The following KCNK10 variants were observed in gnomAD, a reference collection of about 807,000 sequenced individuals.
The protein encoded by KCNK10 is potassium channel subfamily K member 10.
A neutral mutation model predicts 47.7 loss-of-function variants in KCNK10; 25 were observed. The observed-to-expected ratio is 0.52, with a 90% CI of 0.38 to 0.73. The LOEUF (loss-of-function observed/expected upper bound fraction) is 0.73, where lower values mean the gene tolerates loss of function less well. Among genes scored for constraint, KCNK10 ranks in the 30% least tolerant of loss-of-function variants. The pLI is 0.00. For missense variants in KCNK10, 563 were observed against 714.5 expected, an observed-to-expected ratio of 0.79 and a Z score of 2.42; for synonymous variants, 303 against 285.6, an observed-to-expected ratio of 1.06 and a Z score of -0.61.
At position 88,270,730 on chromosome 14, in the gene KCNK10, T is replaced by C. The variant is rs756197292; in HGVS notation, c.53-7179A>G. ...GTCCCCTTAGTCCAGAACCCCATCT[T>C]CTCTCACCTGAATCACTGCGACAGC... On this transcript the variant is annotated intron_variant, in intron 1 of 6. Transcript: ENST00000319231. 3 of 780,962 alleles carry C rather than the reference T, an allele frequency of 3.8e-6. No individual in the cohort carries two copies. The East Asian group carries it at 7.3e-5, about 19-fold the overall frequency. The allele number at this position is 780,962 out of a possible 1,614,324, so 48.4% of individuals were successfully genotyped here.
At chr14:88,187,625 A>ACCC (rs147398923) in intron 6 of KCNK10, among the ~76,000 whole-genome samples, 108 of 74,214 alleles carry the variant, frequency 1.5e-3, no homozygotes, top group African/African-American at 3.4e-3. Context: ...GACAGGCTGC[A>ACCC]CCCCCCCACA....
chr14:88,294,965 T>G (rs1057495871), intron 1 of KCNK10, among the ~76,000 whole-genome samples: 3 of 152,206 alleles, frequency 2.0e-5, no homozygotes, highest in Non-Finnish European at 4.4e-5. Flanking sequence ...ATTTCTTATA[T>G]GTGTTTGCTC....
At chr14:88,292,394 G>A (rs904833809) in intron 1 of KCNK10, among the ~76,000 whole-genome samples, 4 of 152,186 alleles carry the variant, frequency 2.6e-5, no homozygotes, top group Non-Finnish European at 5.9e-5. Context: ...CTGTCACCCA[G>A]GCTGGAGTGC....
intron 4 of KCNK10, among the ~76,000 whole-genome samples, chr14:88,200,532 AG>A (rs1347568655): frequency 6.6e-6 from 1 of 152,236 alleles, no homozygotes; most frequent in African/African-American, 2.4e-5. Flanking sequence ...TAGTTAGACT[AG>A]GAACGAGAAG....
intron 2 of KCNK10, among the ~76,000 whole-genome samples, chr14:88,241,645 C>T (rs2139891194): frequency 6.6e-6 from 1 of 152,262 alleles, no homozygotes; most frequent in South Asian, 2.1e-4. Flanking sequence ...GCTATAAATT[C>T]CCCACTCTGG....
At position 88,192,445 on chromosome 14, in the gene KCNK10, G is replaced by C. The variant is rs1459091966; in HGVS notation, c.682-35C>G. ...GCAAAGGAGAAAGATAGGCAAGTCA[G>C]CGGCATCACCCTGGATTCAGGATAT... On this transcript the variant is annotated intron_variant, in intron 4 of 6. Transcript: ENST00000319231. 2.8e-5 allele frequency: 44 copies of C among 1,578,204 alleles called. 1 individual carries two copies. The Admixed American group carries it at 7.4e-4, about 27-fold the overall frequency.
intron 4 of KCNK10, among the ~76,000 whole-genome samples, chr14:88,224,673 G>A (rs778738796): frequency 3.9e-5 from 6 of 152,186 alleles, no homozygotes; most frequent in Non-Finnish European, 5.9e-5. Context: ...GCAGTGGCAC[G>A]ATCTCAACTC....
chr14:88,316,223 T>C (rs981676707), intron 1 of KCNK10, among the ~76,000 whole-genome samples: 1 of 152,016 alleles, frequency 6.6e-6, no homozygotes, highest in Non-Finnish European at 1.5e-5. Flanking sequence ...CTGCCAGTGA[T>C]TATGACCCTT....
chr14:88,276,967 G>T lies in KCNK10; in HGVS notation c.53-13416C>A, dbSNP rs72691990. On this transcript the variant is annotated intron_variant, in intron 1 of 6. Transcript: ENST00000319231. ...GTACTTTACAAAAGGATTTTCCATC[G>T]AAAGCATTTAAACAGCACAGTCTGT... is the stretch of plus-strand genomic sequence containing the variant. Among the ~76,000 whole-genome samples the T allele has an allele frequency of 7.4e-3, 1,129 of 152,330 alleles. 4 individuals are homozygous for T. Among genetic ancestry groups the T allele is most frequent in the Middle Eastern group, 0.024 (7 of 294 alleles).
chr14:88,300,106 T>C (rs1236128226), intron 1 of KCNK10, among the ~76,000 whole-genome samples: 3 of 152,216 alleles, frequency 2.0e-5, no homozygotes, highest in Non-Finnish European at 4.4e-5. Context: ...TAATTCTCTT[T>C]GCCGATTCCC....
intron 1 of KCNK10, among the ~76,000 whole-genome samples, chr14:88,301,270 C>CCATCAT (rs758860713): frequency 6.6e-6 from 1 of 151,978 alleles, no homozygotes; most frequent in Non-Finnish European, 1.5e-5. Context: ...GTCATTATCA[C>CCATCAT]CATCATCATC....
chr14:88,208,592 A>G (rs1885358131), intron 4 of KCNK10, among the ~76,000 whole-genome samples: 1 of 152,218 alleles, frequency 6.6e-6, no homozygotes, highest in African/African-American at 2.4e-5. Context: ...TTTACATGTC[A>G]TGTACTGCAT....
Position 88,185,449 on chromosome 14 carries a change from G to A in KCNK10, c.*86C>T, listed in dbSNP as rs1884510181. 1 of 1,518,806 alleles carries A rather than the reference G, an allele frequency of 6.6e-7. No homozygotes were observed. The highest frequency in any genetic ancestry group is 8.8e-7 in the Non-Finnish European group (1 of 1,132,342). 94.1% of individuals were successfully genotyped at this position (1,518,806 alleles called of 1,614,324 possible). A position where few individuals can be genotyped will look rare whatever the true frequency, so the allele number is the denominator to read the frequency against. On this transcript the variant is annotated 3_prime_UTR_variant, in exon 7 of 7. Coordinates refer to ENST00000319231, the MANE Select transcript of KCNK10 (RefSeq NM_138317.3). The surrounding 1 kb of genome is among the most constrained non-coding windows in gnomAD (Gnocchi z 4.3). ...TATGTAATTTTGGACTAAAAAGTCT[G>A]TTTAAGGCACATGTCTCAGTGTGAA...
At chr14:88,200,863 C>T (rs887039199) in intron 4 of KCNK10, among the ~76,000 whole-genome samples, 1 of 152,172 alleles carries the variant, frequency 6.6e-6, no homozygotes, top group African/African-American at 2.4e-5. Flanking sequence ...TTAATCACAG[C>T]TTGTGATAAA....
intron 2 of KCNK10, among the ~76,000 whole-genome samples, chr14:88,252,308 A>G (rs774533546): frequency 3.3e-5 from 5 of 152,176 alleles, no homozygotes; most frequent in Non-Finnish European, 7.4e-5. Flanking sequence ...ATAAGCTCCA[A>G]GAAGGCAGGG....
At position 88,322,665 on chromosome 14, in the gene KCNK10, C is replaced by A; in HGVS notation, c.52+82G>T. 1 of 1,575,698 alleles carries A rather than the reference C, an allele frequency of 6.3e-7. No individual in the cohort carries two copies. The highest frequency in any genetic ancestry group is 8.7e-7 in the Non-Finnish European group (1 of 1,145,912). Reference sequence around the variant, plus strand: ...GCCTCAGGACACACGCTGCCAGAAGCAAGAGTGCTTCCACTCAAGGAAGCG... The same window carrying A: ...GCCTCAGGACACACGCTGCCAGAAGAAAGAGTGCTTCCACTCAAGGAAGCG... On this transcript the variant is annotated intron_variant, in intron 1 of 6. Transcript: ENST00000319231. The surrounding 1 kb of genome is among the most constrained non-coding windows in gnomAD (Gnocchi z 4.8).
chr14:88,300,002 C>G (rs1486024502), intron 1 of KCNK10, among the ~76,000 whole-genome samples: 1 of 152,182 alleles, frequency 6.6e-6, no homozygotes, highest in Non-Finnish European at 1.5e-5. Context: ...TTATCCCTCA[C>G]AAATATTCCT....
chr14:88,244,218 C>T (rs60499565), intron 2 of KCNK10, among the ~76,000 whole-genome samples: 5,384 of 152,148 alleles, frequency 0.035, 315 homozygotes, highest in African/African-American at 0.12. Context: ...TTATAACTGA[C>T]GTTACCATTT....
intron 1 of KCNK10, among the ~76,000 whole-genome samples, chr14:88,269,043 C>A (rs1035143652): frequency 1.3e-5 from 2 of 152,144 alleles, no homozygotes; most frequent in African/African-American, 4.8e-5. Context: ...GAGGCTGAGG[C>A]AGAAGAATCA....
Sources: allele counts gnomAD v4.1 joint callset (sites outside exome capture counted in the v4.1 genomes callset), GRCh38; gene constraint gnomAD v4.1.1; non-coding constraint Gnocchi (gnomAD v3.1); transcripts MANE v1.5; gene names NCBI Gene and HGNC (gene_info 2026-07-23, HGNC 2026-07-21).